Variants in GBE1 observed in about 807,000 individuals in gnomAD.
The protein encoded by GBE1 is 1,4-alpha-glucan branching enzyme 1.
GBE1 carries 70 observed loss-of-function variants against 88.8 expected under a neutral mutation model. The ratio of observed to expected loss-of-function variants is 0.79; its 90% confidence interval spans 0.65 to 0.96. The LOEUF (loss-of-function observed/expected upper bound fraction) is 0.96, where lower values mean the gene tolerates loss of function less well. GBE1 is among the 40% of genes least tolerant of loss of function. GBE1 has a pLI of 0.00. For missense variants in GBE1, 872 were observed against 871.0 expected, an observed-to-expected ratio of 1.00 and a Z score of -0.01; for synonymous variants, 284 against 300.1, an observed-to-expected ratio of 0.95 and a Z score of 0.56.
intron 5 of GBE1, 144 bp from the exon 6 acceptor site, chr3:81,646,626 A>T: frequency 1.7e-6 from 1 of 575,290 alleles, no homozygotes; most frequent in Non-Finnish European, 3.1e-6. Context: ...CTACTACTTT[A>T]ACATTTTTTT....
chr3:81,592,886 A>C (rs1355356429), intron 8 of GBE1, among the ~76,000 whole-genome samples: 1 of 152,194 alleles, frequency 6.6e-6, no homozygotes, highest in Non-Finnish European at 1.5e-5. Flanking sequence ...TTACAGATTC[A>C]ACTTCTTTCC....
At chr3:81,564,940 G>A (rs1050963252) in intron 12 of GBE1, among the ~76,000 whole-genome samples, 1 of 152,118 alleles carries the variant, frequency 6.6e-6, no homozygotes, top group Admixed American at 6.6e-5. Context: ...CAGCGATTCT[G>A]TCTCAAATGG....
chr3:81,526,708 T>G (rs957734395), intron 14 of GBE1, among the ~76,000 whole-genome samples: 5 of 151,844 alleles, frequency 3.3e-5, no homozygotes, highest in African/African-American at 7.3e-5. Context: ...CACTGCTCAA[T>G]GAAATAAAAG....
chr3:81,545,786 C>A (rs1399253864), intron 12 of GBE1, among the ~76,000 whole-genome samples: 1 of 152,148 alleles, frequency 6.6e-6, no homozygotes, highest in Non-Finnish European at 1.5e-5. Context: ...GCATGCCCTT[C>A]AGTGTAGCAT....
rs752557522 is a variant in GBE1, at chr3:81,670,873, T to G, written c.394A>C (p.Lys132Gln). ...WELYIPPKQN[K>Q]SVLVPHGSKL... ...GATCCATGAGGCACGAGTACAGATT[T>G]ATTCTGCTTTGGTGGGATATACAGC... Residue 132 changes from lysine to glutamine, a missense_variant, in exon 3 of 16, where the codon AAA (lysine) becomes CAA (glutamine). Physicochemically the swap from Lys to Gln is moderately conservative, Grantham distance 53. Transcript: ENST00000429644. 1 of 1,577,880 alleles carries G rather than the reference T, an allele frequency of 6.3e-7. No homozygotes were observed. The highest frequency in any genetic ancestry group is 8.6e-7 in the Non-Finnish European group (1 of 1,166,566).
chr3:81,723,260 T>TG, intron 1 of GBE1, among the ~76,000 whole-genome samples: 1 of 80,094 alleles, frequency 1.2e-5, no homozygotes, highest in African/African-American at 4.2e-5. Context: ...AAAGTTGTTT[T>TG]GTTTTTTTTT....
chr3:81,576,690 C>T (rs558280533), intron 12 of GBE1, among the ~76,000 whole-genome samples: 1 of 152,146 alleles, frequency 6.6e-6, no homozygotes, highest in Admixed American at 6.5e-5. Flanking sequence ...GGAACTTGAC[C>T]TGATACCTGG....
At chr3:81,585,829 T>C (rs1011208815) in intron 10 of GBE1, among the ~76,000 whole-genome samples, 14 of 152,190 alleles carry the variant, frequency 9.2e-5, no homozygotes, top group African/African-American at 3.4e-4. Context: ...ATTGCATTGA[T>C]AATGCAAAAT....
intron 14 of GBE1, among the ~76,000 whole-genome samples, chr3:81,515,709 C>T (rs913549524): frequency 2.0e-5 from 3 of 151,518 alleles, no homozygotes; most frequent in South Asian, 2.1e-4. Flanking sequence ...AAGTTGTGAA[C>T]GCAAAGGAAA....
At chr3:81,655,531 G>A (rs1221980894) in intron 3 of GBE1, among the ~76,000 whole-genome samples, 1 of 152,032 alleles carries the variant, frequency 6.6e-6, no homozygotes, top group Non-Finnish European at 1.5e-5. Context: ...TGTTGTTGTT[G>A]TTGTTATGGA....
At chr3:81,643,018 A>C in intron 6 of GBE1, 28 bp from the exon 7 acceptor site, 1 of 1,460,982 alleles carries the variant, frequency 6.8e-7, no homozygotes, top group East Asian at 2.3e-5. Flanking sequence ...AGCAAAAAGA[A>C]GATTACATCA....
Position 81,515,387 on chromosome 3 carries a change from T to C in GBE1, c.1935-16160A>G, listed in dbSNP as rs79778584. ...TGACCAGTGATCCTTGTTACTATTG[T>C]AATTGTTTTGGGGCACCACAAATCA... is the stretch of plus-strand genomic sequence containing the variant. On this transcript the variant is annotated intron_variant, in intron 14 of 15. Coordinates refer to ENST00000429644, the MANE Select transcript of GBE1 (RefSeq NM_000158.4). Among the ~76,000 whole-genome samples, 1,078 of 151,638 alleles carry C rather than the reference T, an allele frequency of 7.1e-3. 21 individuals are homozygous for C. Among genetic ancestry groups the C allele is most frequent in the African/African-American group, 0.025 (1,029 of 41,448 alleles).
intron 15 of GBE1, among the ~76,000 whole-genome samples, chr3:81,491,654 A>T (rs1702436759): frequency 6.6e-6 from 1 of 152,156 alleles, no homozygotes; most frequent in African/African-American, 2.4e-5. Flanking sequence ...ATCTGTCTTC[A>T]CTTCTGACTT....
At chr3:81,682,105 G>A (rs1391682785) in intron 2 of GBE1, among the ~76,000 whole-genome samples, 2 of 152,160 alleles carry the variant, frequency 1.3e-5, no homozygotes, top group African/African-American at 4.8e-5. Context: ...TTTTTAAAAT[G>A]AGCAAAGGAT....
chr3:81,606,701 C>T (rs542482084), intron 7 of GBE1, among the ~76,000 whole-genome samples: 39 of 152,326 alleles, frequency 2.6e-4, no homozygotes, highest in Non-Finnish European at 1.2e-4. Flanking sequence ...AGCCAAATGT[C>T]AATTAGATTT....
At chr3:81,538,624 C>T (rs974452242) in intron 12 of GBE1, among the ~76,000 whole-genome samples, 1 of 151,952 alleles carries the variant, frequency 6.6e-6, no homozygotes, top group Non-Finnish European at 1.5e-5. Flanking sequence ...CCAAGGTATA[C>T]CGATGGCACA....
At chr3:81,741,568 G>A (rs957646605) in intron 1 of GBE1, among the ~76,000 whole-genome samples, 2 of 151,812 alleles carry the variant, frequency 1.3e-5, no homozygotes, top group Non-Finnish European at 2.9e-5. Context: ...TCCCCAAAGA[G>A]AGGAAAAGCC....
intron 14 of GBE1, among the ~76,000 whole-genome samples, chr3:81,528,108 A>G (rs1429424574): frequency 6.6e-6 from 1 of 151,770 alleles, no homozygotes; most frequent in South Asian, 2.1e-4. Flanking sequence ...TCAGCAAACT[A>G]TCATAAGGAC....
At chr3:81,665,490 T>C (rs554714344) in intron 3 of GBE1, among the ~76,000 whole-genome samples, 19 of 149,434 alleles carry the variant, frequency 1.3e-4, no homozygotes, top group Non-Finnish European at 5.9e-5. Context: ...GAGCCGAGAT[T>C]GCGCCACTGC....
Sources: allele counts gnomAD v4.1 joint callset (sites outside exome capture counted in the v4.1 genomes callset), GRCh38; gene constraint gnomAD v4.1.1; transcripts MANE v1.5; gene names NCBI Gene and HGNC (gene_info 2026-07-23, HGNC 2026-07-21).